BICC1: variants seen among roughly 807,000 people sequenced by gnomAD.
The protein encoded by BICC1 is BicC family RNA binding protein 1.
A neutral mutation model predicts 111.0 loss-of-function variants in BICC1; 43 were observed. The observed-to-expected ratio is 0.39, with a 90% CI of 0.30 to 0.50. The LOEUF (loss-of-function observed/expected upper bound fraction) is 0.50. BICC1 is among the 20% of genes least tolerant of loss of function. BICC1 has a pLI of 0.88. For missense variants in BICC1, 1,091 were observed against 1,203.2 expected (o/e 0.91, Z 1.38); for synonymous variants, 467 against 434.4 (o/e 1.07, Z -0.93).
At chr10:58,628,601 T>C (rs1196044172) in intron 2 of BICC1, among the ~76,000 whole-genome samples, 2 of 152,166 alleles carry the variant, frequency 1.3e-5, no homozygotes, top group African/African-American at 2.4e-5. Flanking sequence ...TCTTTTCGCT[T>C]TCAGTAGCAA....
rs549638114 is a variant in BICC1 at position 58,777,522 on chromosome 10, G to A, written c.308-7479G>A. On this transcript the variant is annotated intron_variant, in intron 3 of 20. Transcript: ENST00000373886. ...ACAGGCTCCACCTTGGTATGTGAAT[G>A]GACCTCCCACCCTTTCCTTGCATTC... 1.5e-4 allele frequency among the ~76,000 whole-genome samples: 23 copies of A among 152,166 alleles called. 1 individual carries two copies. In the South Asian group the frequency reaches 4.6e-3, roughly 30 times the overall value.
At chr10:58,650,320 A>C (rs1332878400) in intron 2 of BICC1, 3 of 152,064 alleles carry the variant, frequency 2.0e-5, no homozygotes, top group African/African-American at 7.3e-5. Context: ...TGGTTATGAG[A>C]GTGGAGTGTT....
intron 2 of BICC1, among the ~76,000 whole-genome samples, chr10:58,661,051 A>G (rs1449820836): frequency 1.3e-5 from 2 of 152,124 alleles, no homozygotes; most frequent in African/African-American, 2.4e-5. Flanking sequence ...GCTGGATTTT[A>G]TTCGAATGTT....
At chr10:58,687,323 G>C (rs1269562229) in intron 2 of BICC1, among the ~76,000 whole-genome samples, 1 of 152,222 alleles carries the variant, frequency 6.6e-6, no homozygotes, top group Non-Finnish European at 1.5e-5. Context: ...AGGGATCAGG[G>C]ACCCACTTGA....
At chr10:58,544,567 G>A (rs1057196721) in intron 1 of BICC1, among the ~76,000 whole-genome samples, 1 of 152,010 alleles carries the variant, frequency 6.6e-6, no homozygotes, top group Non-Finnish European at 1.5e-5. Flanking sequence ...TCTGTGTTAC[G>A]TATGTAGAAA....
chr10:58,535,321 T>C (rs1349881605), intron 1 of BICC1, among the ~76,000 whole-genome samples: 2 of 151,708 alleles, frequency 1.3e-5, no homozygotes, highest in Admixed American at 6.6e-5. Flanking sequence ...GAAATAATTC[T>C]AAGAACAGCG....
At chr10:58,674,424 A>T (rs544526076) in intron 2 of BICC1, among the ~76,000 whole-genome samples, 1 of 152,360 alleles carries the variant, frequency 6.6e-6, no homozygotes, top group African/African-American at 2.4e-5. Context: ...TTCTTTGGGC[A>T]AATGAGTAAT....
At chr10:58,645,459 A>C (rs767962825) in intron 2 of BICC1, among the ~76,000 whole-genome samples, 12 of 151,434 alleles carry the variant, frequency 7.9e-5, no homozygotes, top group Non-Finnish European at 1.5e-4. Context: ...TGCAATTAGA[A>C]CCAGATTGGC....
chr10:58,666,337 T>C (rs1645417202), intron 2 of BICC1, among the ~76,000 whole-genome samples: 1 of 152,194 alleles, frequency 6.6e-6, no homozygotes, highest in Admixed American at 6.6e-5. Flanking sequence ...TTGTTTCAGG[T>C]GCATATTACT....
intron 2 of BICC1, among the ~76,000 whole-genome samples, chr10:58,680,642 A>C (rs1237176589): frequency 6.6e-6 from 1 of 152,254 alleles, no homozygotes; most frequent in Non-Finnish European, 1.5e-5. Context: ...TCAAGCTACC[A>C]TTGACTTTCT....
chr10:58,813,827 C>T lies in BICC1; in HGVS notation c.2377-3C>T, dbSNP rs201823173. On this transcript the variant is annotated splice_polypyrimidine_tract_variant and splice_region_variant and intron_variant, in intron 17 of 20. Coordinates refer to ENST00000373886, the MANE Select transcript of BICC1 (RefSeq NM_001080512.3). ...TTCCTTATCTGGCTTTGTCTGTTTA[C>T]AGGGCTCATCCATGTCCCTTTCACG... is the stretch of plus-strand genomic sequence containing the variant. 3.1e-6 allele frequency: 5 copies of T among 1,613,468 alleles called. No individual in the cohort carries two copies. The highest frequency in any genetic ancestry group is 1.1e-5 in the South Asian group (1 of 91,034).
At chr10:58,627,038 G>A (rs376586648) in intron 2 of BICC1, among the ~76,000 whole-genome samples, 5 of 152,098 alleles carry the variant, frequency 3.3e-5, no homozygotes, top group East Asian at 3.9e-4. Flanking sequence ...GGAGGCAGAG[G>A]TTACAGTGAG....
intron 1 of BICC1, among the ~76,000 whole-genome samples, chr10:58,567,974 C>A (rs1621227): frequency 6.6e-6 from 1 of 151,744 alleles, no homozygotes; most frequent in Admixed American, 6.6e-5. Flanking sequence ...GCTCAGGGGA[C>A]AATGGGGAGG....
chr10:58,814,053 G>T (rs1303844769), intron 18 of BICC1, 67 bp downstream of exon 18: 1 of 1,569,000 alleles, frequency 6.4e-7, no homozygotes, highest in African/African-American at 1.4e-5. Context: ...TTGGGTTGGA[G>T]TATCACTGAC....
chr10:58,629,845 T>C (rs1837739366), intron 2 of BICC1, among the ~76,000 whole-genome samples: 1 of 152,144 alleles, frequency 6.6e-6, no homozygotes, highest in African/African-American at 2.4e-5. Context: ...GCGTTAAAAT[T>C]TGTTTTTTGG....
In BICC1 at chr10:58,561,074, T is replaced by G. The variant is rs547501570; in HGVS notation, c.190+47741T>G. ...GGTCTGTGATGCAATTTGAGACTGA[T>G]TTTTGTTGCTGTTGATTTTTCTATC... On this transcript the variant is annotated intron_variant, in intron 1 of 20. Transcript: ENST00000373886. 6.6e-4 allele frequency among the ~76,000 whole-genome samples: 101 copies of G among 152,126 alleles called. 1 individual carries two copies. The highest frequency in any genetic ancestry group is 2.4e-3 in the African/African-American group (98 of 41,562).
intron 1 of BICC1, among the ~76,000 whole-genome samples, chr10:58,518,593 G>T (rs61351507): frequency 6.0e-5 from 5 of 83,616 alleles, no homozygotes; most frequent in South Asian, 4.8e-4. Context: ...TGTGTGTTGG[G>T]GGGGGGGGGG....
At chr10:58,758,316 A>G (rs879938868) in intron 3 of BICC1, among the ~76,000 whole-genome samples, 6 of 152,202 alleles carry the variant, frequency 3.9e-5, no homozygotes, top group African/African-American at 7.2e-5. Context: ...GCCCCTCACT[A>G]TAAGTGCCTA....
rs559207635 is a variant in BICC1 at position 58,563,083 on chromosome 10, C to A, written c.190+49750C>A. On this transcript the variant is annotated intron_variant, in intron 1 of 20. Coordinates refer to ENST00000373886, the MANE Select transcript of BICC1 (RefSeq NM_001080512.3). Reference sequence around the variant, plus strand: ...TGGGCTTGCATGCCTGAGTCATTGCCGTACCACTGGGTTCAGGGTGGCATC... The same window carrying A: ...TGGGCTTGCATGCCTGAGTCATTGCAGTACCACTGGGTTCAGGGTGGCATC... Among the ~76,000 whole-genome samples, 9 of 152,236 alleles carry A rather than the reference C, an allele frequency of 5.9e-5. No individual in the cohort carries two copies. In the South Asian group the frequency reaches 1.9e-3, roughly 32 times the overall value.
Sources: gnomAD v4.1 joint callset for allele counts (sites outside exome capture counted in the v4.1 genomes callset) on GRCh38, gnomAD v4.1.1 for gene constraint, MANE v1.5 for transcripts, NCBI Gene and HGNC (gene_info 2026-07-23, HGNC 2026-07-21) for gene names.